The following GALNT5 variants were observed in gnomAD, a reference collection of about 807,000 sequenced individuals.
The protein encoded by GALNT5 is UDP-GalNAc:polypeptide N-acetylgalactosaminyltransferase 5.
GALNT5 carries 72 observed loss-of-function variants against 85.4 expected under a neutral mutation model. The ratio of observed to expected loss-of-function variants is 0.84; its 90% CI spans 0.70 to 1.03. The LOEUF is 1.03. Among genes scored for constraint, GALNT5 ranks in the 50% least tolerant of loss-of-function variants. The pLI, the probability that GALNT5 is intolerant of heterozygous loss-of-function variation, is 0.00. For missense variants in GALNT5, 1,137 were observed against 1,135.5 expected (o/e 1.00, Z -0.02); for synonymous variants, 404 against 397.0 (o/e 1.02, Z -0.21).
chr2:157,286,329 C>A (rs1682970719), intron 3 of GALNT5, among the ~76,000 whole-genome samples, 195 bp downstream of exon 3: 2 of 152,002 alleles, frequency 1.3e-5, no homozygotes, highest in Non-Finnish European at 2.9e-5. Context: ...ATACTTTTTT[C>A]CTGAACCTTT....
intron 9 of GALNT5, among the ~76,000 whole-genome samples, chr2:157,309,896 G>A (rs1683531269): frequency 6.6e-6 from 1 of 152,078 alleles, no homozygotes; most frequent in African/African-American, 2.4e-5. Context: ...ATTTTGCATA[G>A]TGTTAGGAAA....
chr2:157,300,665 A>G lies in GALNT5; in HGVS notation c.2116-11A>G. 1 of 1,596,920 alleles carries G rather than the reference A, an allele frequency of 6.3e-7. No homozygotes were observed. Among genetic ancestry groups the G allele is most frequent in the Non-Finnish European group, 8.6e-7 (1 of 1,164,892 alleles). ...ATTTGATAATTGATGCTTATCATCA[A>G]ATTCTTCCAGGTGTGGATGTGTGGT... On this transcript the variant is annotated splice_polypyrimidine_tract_variant and intron_variant, in intron 6 of 9. Transcript: ENST00000259056.
At chr2:157,280,491 C>T (rs1156560) in intron 1 of GALNT5, among the ~76,000 whole-genome samples, 27,210 of 152,188 alleles carry the variant, frequency 0.18, 5,550 homozygotes, top group African/African-American at 0.5. Context: ...TGAGGTCCTA[C>T]TGACATCTTG....
At chr2:157,289,414 C>G (rs1683045483) in intron 3 of GALNT5, among the ~76,000 whole-genome samples, 1 of 152,166 alleles carries the variant, frequency 6.6e-6, no homozygotes, top group Non-Finnish European at 1.5e-5. Context: ...TTCATCACAA[C>G]TCAGTACATG....
At chr2:157,296,336 A>C in intron 4 of GALNT5, 58 bp from the exon 5 acceptor site, 1 of 1,375,946 alleles carries the variant, frequency 7.3e-7, no homozygotes, top group South Asian at 1.2e-5. Flanking sequence ...AAATCGATAA[A>C]GTATATAAAG....
intron 1 of GALNT5, among the ~76,000 whole-genome samples, chr2:157,271,235 A>G (rs2105125769): frequency 6.6e-6 from 1 of 152,382 alleles, no homozygotes; most frequent in East Asian, 1.9e-4. Flanking sequence ...CTAGAAGTTA[A>G]GCAAATAACA....
chr2:157,260,267 C>T (rs937173670), intron 1 of GALNT5, among the ~76,000 whole-genome samples: 1 of 152,190 alleles, frequency 6.6e-6, no homozygotes, highest in African/African-American at 2.4e-5. Context: ...TCCATATGAG[C>T]CCTGCAAAGG....
intron 3 of GALNT5, among the ~76,000 whole-genome samples, chr2:157,286,892 C>CTG (rs1558897523): frequency 6.6e-5 from 8 of 121,284 alleles, no homozygotes; most frequent in African/African-American, 2.3e-4. Flanking sequence ...GTTTAAATAC[C>CTG]AGTGTGTGTG....
At chr2:157,308,195 C>G (rs149257357) in intron 8 of GALNT5, among the ~76,000 whole-genome samples, 91 of 152,304 alleles carry the variant, frequency 6.0e-4, no homozygotes, top group African/African-American at 1.7e-3. Context: ...CTTTAAGCAC[C>G]AGGCTTGTCG....
chr2:157,266,616 A>T (rs1323442881), intron 1 of GALNT5, among the ~76,000 whole-genome samples: 1 of 152,142 alleles, frequency 6.6e-6, no homozygotes, highest in Non-Finnish European at 1.5e-5. Flanking sequence ...AGCAATCCTC[A>T]CAGCAACCCT....
At chr2:157,304,243 A>G (rs1683406867) in intron 7 of GALNT5, among the ~76,000 whole-genome samples, 1 of 152,288 alleles carries the variant, frequency 6.6e-6, no homozygotes, top group East Asian at 1.9e-4. Flanking sequence ...TGTGATGCCC[A>G]CATTTACTAA....
intron 1 of GALNT5, among the ~76,000 whole-genome samples, chr2:157,262,863 C>G (rs973799531): frequency 8.1e-6 from 1 of 123,274 alleles, no homozygotes; most frequent in Non-Finnish European, 1.6e-5. Flanking sequence ...GAGTCTCGCT[C>G]TGTCACCCAG....
intron 4 of GALNT5, 111 bp from the exon 5 acceptor site, chr2:157,296,283 A>T (rs1372921373): frequency 2.5e-6 from 2 of 805,930 alleles, no homozygotes; most frequent in African/African-American, 1.7e-5. Flanking sequence ...ATCTAAACTC[A>T]TCAAAAGCAC....
chr2:157,260,342 C>T (rs914639115), intron 1 of GALNT5, among the ~76,000 whole-genome samples: 1 of 152,248 alleles, frequency 6.6e-6, no homozygotes, highest in African/African-American at 2.4e-5. Context: ...ACAACACTTT[C>T]TCAAGGTAAT....
rs1683602900 is a variant in GALNT5, at chr2:157,312,776, C to A, written c.*1428C>A. On this transcript the variant is annotated 3_prime_UTR_variant, in exon 10 of 10. Coordinates refer to ENST00000259056, the MANE Select transcript of GALNT5 (RefSeq NM_014568.3). ...TAATGCCTCAGGTCACTGGCCCGAA[C>A]AAATCTGCTTCACAGAATTCCTTAG... 2 of 152,264 alleles carry A rather than the reference C, an allele frequency of 1.3e-5. No individual in the cohort carries two copies. The highest frequency in any genetic ancestry group is 4.1e-4 in the South Asian group (2 of 4,832). The allele number at this position is 152,264 out of a possible 1,614,324, so 9.4% of individuals were successfully genotyped here.
At chr2:157,295,865 G>A (rs998165484) in intron 4 of GALNT5, 67 bp downstream of exon 4, 5 of 1,173,500 alleles carry the variant, frequency 4.3e-6, no homozygotes, top group Non-Finnish European at 3.8e-6. Context: ...AGAAAGTGCT[G>A]AGTATATGCC....
intron 3 of GALNT5, among the ~76,000 whole-genome samples, chr2:157,295,004 T>C (rs1449188944): frequency 2.6e-5 from 4 of 151,868 alleles, no homozygotes; most frequent in African/African-American, 9.7e-5. Context: ...AAAAATTGTA[T>C]AAAATACATA....
At chr2:157,311,019 C>T (rs1426694390) in intron 9 of GALNT5, among the ~76,000 whole-genome samples, 189 bp from the exon 10 acceptor site, 1 of 152,146 alleles carries the variant, frequency 6.6e-6, no homozygotes, top group Non-Finnish European at 1.5e-5. Flanking sequence ...AGGATGATTA[C>T]TTAGTCTGAG....
chr2:157,316,582 C>T lies in GALNT5; in HGVS notation c.*5234C>T, dbSNP rs889457789. Among the ~76,000 whole-genome samples the T allele has an allele frequency of 2.0e-5, 3 of 151,784 alleles. No homozygotes were observed. Among genetic ancestry groups the T allele is most frequent in the African/African-American group, 7.3e-5 (3 of 41,294 alleles). On this transcript the variant is annotated 3_prime_UTR_variant, in exon 10 of 10. Coordinates refer to ENST00000259056, the MANE Select transcript of GALNT5 (RefSeq NM_014568.3). ...TGCAACAACTTTTGCATGGGTTACT[C>T]AATAGTTGCTACAAGACAAAATGCC...
Sources: gnomAD v4.1 joint callset for allele counts (sites outside exome capture counted in the v4.1 genomes callset) on GRCh38, gnomAD v4.1.1 for gene constraint, MANE v1.5 for transcripts, NCBI Gene and HGNC (gene_info 2026-07-23, HGNC 2026-07-21) for gene names.